The following PRKAA2 variants were observed in gnomAD, a reference collection of about 807,000 sequenced individuals.
The protein encoded by PRKAA2 is 5'-AMP-activated protein kinase catalytic subunit alpha-2.
A neutral mutation model predicts 56.3 loss-of-function variants in PRKAA2; 40 were observed. That is an observed-to-expected ratio of 0.71 (90% CI 0.55 to 0.92). The LOEUF is 0.92. Ranked by LOEUF, PRKAA2 falls within the 40% of genes least tolerant of loss-of-function variation. The probability of loss-of-function intolerance (pLI) is 0.00; values close to 1 mark genes in which losing one functional copy is unlikely to be tolerated. For synonymous variants in PRKAA2, 214 were observed against 234.2 expected (o/e 0.91, Z 0.79); for missense variants, 542 against 686.9 (o/e 0.79, Z 2.36).
chr1:56,655,281 T>TATATATATATATTTTTTTTTTTTTA (rs1553146924), intron 1 of PRKAA2, among the ~76,000 whole-genome samples: 1 of 77,098 alleles, frequency 1.3e-5, no homozygotes, highest in Non-Finnish European at 2.4e-5. Flanking sequence ...TATATATATA[T>TATATATATATATTTTTTTTTTTTTA]TTTTTTTTTT....
intron 8 of PRKAA2, 149 bp from the exon 9 acceptor site, chr1:56,707,326 G>A (rs1265197193): frequency 1.5e-6 from 1 of 658,212 alleles, no homozygotes; most frequent in Non-Finnish European, 2.6e-6. Flanking sequence ...GAAGAAGACT[G>A]TGTTTCTACA....
At chr1:56,683,965 T>C (rs529762866) in intron 2 of PRKAA2, among the ~76,000 whole-genome samples, 85 of 152,156 alleles carry the variant, frequency 5.6e-4, no homozygotes, top group African/African-American at 2.0e-3. Flanking sequence ...TGAGCAAGAG[T>C]TGAAGCAGGG....
Position 56,703,721 on chromosome 1 carries a change from T to C in PRKAA2, c.789-250T>C, listed in dbSNP as rs1380104046. 2.0e-5 allele frequency among the ~76,000 whole-genome samples: 3 copies of C among 152,224 alleles called. No individual in the cohort carries two copies. In the East Asian group the frequency reaches 5.8e-4, roughly 29 times the overall value. Reference sequence around the variant, plus strand: ...CATTGGCAACAAATATTGCTGGTTGTTTTCCTTAAAGCGATGGGCTTGCTT... The same window carrying C: ...CATTGGCAACAAATATTGCTGGTTGCTTTCCTTAAAGCGATGGGCTTGCTT... On this transcript the variant is annotated intron_variant, in intron 6 of 8. Transcript: ENST00000371244.
chr1:56,692,608 G>T, intron 4 of PRKAA2, 106 bp downstream of exon 4: 1 of 1,163,364 alleles, frequency 8.6e-7, no homozygotes, highest in Non-Finnish European at 1.2e-6. Flanking sequence ...TCTGTACCAT[G>T]AAAAGGAATT....
At chr1:56,686,906 CAG>C (rs1644195025) in intron 2 of PRKAA2, among the ~76,000 whole-genome samples, 2 of 138,902 alleles carry the variant, frequency 1.4e-5, no homozygotes, top group East Asian at 2.1e-4. Flanking sequence ...TTTTTTGAGA[CAG>C]AGTTTCACTC....
At chr1:56,657,735 AAAAT>A (rs1242498654) in intron 1 of PRKAA2, among the ~76,000 whole-genome samples, 1 of 152,212 alleles carries the variant, frequency 6.6e-6, no homozygotes, top group African/African-American at 2.4e-5. Flanking sequence ...ACTCCGTCTC[AAAAT>A]AAATAAATGA....
intron 2 of PRKAA2, among the ~76,000 whole-genome samples, chr1:56,681,203 T>G (rs1350189500): frequency 6.6e-6 from 1 of 152,198 alleles, no homozygotes; most frequent in Non-Finnish European, 1.5e-5. Flanking sequence ...TTGATGGGGT[T>G]GTTTGATTTT....
At chr1:56,690,618 CTT>C (rs1180124810) in intron 2 of PRKAA2, among the ~76,000 whole-genome samples, 5 of 152,018 alleles carry the variant, frequency 3.3e-5, no homozygotes, top group African/African-American at 4.8e-5. Flanking sequence ...CAATATGTCT[CTT>C]AAGTTACTTT....
At chr1:56,678,846 C>G (rs1312581950) in intron 2 of PRKAA2, among the ~76,000 whole-genome samples, 3 of 152,142 alleles carry the variant, frequency 2.0e-5, no homozygotes, top group African/African-American at 7.2e-5. Context: ...CAGGCACACA[C>G]CACCACACCC....
chr1:56,701,958 T>C (rs976742647), intron 6 of PRKAA2, among the ~76,000 whole-genome samples: 1 of 152,094 alleles, frequency 6.6e-6, no homozygotes, highest in Non-Finnish European at 1.5e-5. Context: ...ACTAAAAGAA[T>C]GTATTGTGAT....
chr1:56,665,284 T>C (rs546016901), intron 1 of PRKAA2, among the ~76,000 whole-genome samples: 57 of 152,168 alleles, frequency 3.7e-4, no homozygotes, highest in African/African-American at 1.3e-3. Flanking sequence ...ATGTTTGCCA[T>C]GCTGGTCTCA....
At chr1:56,697,374 G>T (rs1314272031) in intron 6 of PRKAA2, among the ~76,000 whole-genome samples, 2 of 151,930 alleles carry the variant, frequency 1.3e-5, no homozygotes, top group Non-Finnish European at 2.9e-5. Context: ...TTAAATGATG[G>T]CTGAGATAGC....
intron 1 of PRKAA2, among the ~76,000 whole-genome samples, chr1:56,672,200 C>T (rs1418860133): frequency 6.6e-6 from 1 of 152,112 alleles, no homozygotes; most frequent in Non-Finnish European, 1.5e-5. Flanking sequence ...TTACTACAAC[C>T]TCCGCCTCCC....
In PRKAA2 at chr1:56,665,777, T is replaced by C. The variant is rs181765832; in HGVS notation, c.95-8604T>C. On this transcript the variant is annotated intron_variant, in intron 1 of 8. Coordinates refer to ENST00000371244, the MANE Select transcript of PRKAA2 (RefSeq NM_006252.4). ...GTATTGCATTGTGGTCTTAATTTAC[T>C]TTTCTCTGATGACCCATGATATTGA... Among the ~76,000 whole-genome samples the C allele has an allele frequency of 1.8e-4, 28 of 152,320 alleles. No individual in the cohort carries two copies. In the East Asian group the frequency reaches 5.0e-3, roughly 27 times the overall value.
At chr1:56,683,430 A>G (rs1224767683) in intron 2 of PRKAA2, among the ~76,000 whole-genome samples, 1 of 152,146 alleles carries the variant, frequency 6.6e-6, no homozygotes, top group Non-Finnish European at 1.5e-5. Context: ...TATTGGGAAC[A>G]AACAGTCTGG....
chr1:56,693,704 A>C, intron 4 of PRKAA2, 61 bp from the exon 5 acceptor site: 4 of 1,225,502 alleles, frequency 3.3e-6, no homozygotes, highest in Non-Finnish European at 4.6e-6. Context: ...GCTCATATTT[A>C]TATGACTTTA....
intron 1 of PRKAA2, among the ~76,000 whole-genome samples, chr1:56,660,305 T>C (rs1046176355): frequency 2.6e-5 from 4 of 152,206 alleles, no homozygotes; most frequent in Non-Finnish European, 5.9e-5. Flanking sequence ...ACAAGTTCAT[T>C]CTCTTAATAA....
intron 1 of PRKAA2, among the ~76,000 whole-genome samples, chr1:56,656,745 T>G (rs536464782): frequency 6.6e-6 from 1 of 152,340 alleles, no homozygotes; most frequent in East Asian, 1.9e-4. Flanking sequence ...GGCATGGAAG[T>G]AGCAGCTGAA....
chr1:56,676,972 A>G (rs972332514), intron 2 of PRKAA2, among the ~76,000 whole-genome samples: 1 of 152,210 alleles, frequency 6.6e-6, no homozygotes, highest in African/African-American at 2.4e-5. Context: ...GAGGTCCCTG[A>G]AATTGCATGG....
Sources: allele counts gnomAD v4.1 joint callset (sites outside exome capture counted in the v4.1 genomes callset), GRCh38; gene constraint gnomAD v4.1.1; transcripts MANE v1.5; gene names NCBI Gene and HGNC (gene_info 2026-07-23, HGNC 2026-07-21).